CSMD1: variants seen among roughly 807,000 people sequenced by gnomAD.
CSMD1 encodes CUB and sushi domain-containing protein 1.
CSMD1 carries 213 observed loss-of-function variants against 417.5 expected under a neutral mutation model. The ratio of observed to expected loss-of-function variants is 0.51; its 90% CI spans 0.46 to 0.57. The LOEUF (loss-of-function observed/expected upper bound fraction) is 0.57, where lower values mean the gene tolerates loss of function less well. Ranked by LOEUF, CSMD1 falls within the 20% of genes least tolerant of loss-of-function variation. The pLI is 0.00. For synonymous variants in CSMD1, 2,862 were observed against 1,736.8 expected, an observed-to-expected ratio of 1.65 and a Z score of -16.11; for missense variants, 6,923 against 4,529.7, an observed-to-expected ratio of 1.53 and a Z score of -15.17.
At chr8:3,815,944 G>C (rs756205798) in intron 5 of CSMD1, among the ~76,000 whole-genome samples, 4 of 152,166 alleles carry the variant, frequency 2.6e-5, no homozygotes, top group Non-Finnish European at 4.4e-5. Flanking sequence ...CACTGGACTA[G>C]AAATCTCATT....
chr8:4,463,236 G>C (rs912793480), intron 2 of CSMD1, among the ~76,000 whole-genome samples: 2 of 152,124 alleles, frequency 1.3e-5, no homozygotes, highest in African/African-American at 2.4e-5. Context: ...GACGTACTGA[G>C]ATACCAGTTC....
chr8:4,249,669 C>T (rs187160860), intron 3 of CSMD1, among the ~76,000 whole-genome samples: 190 of 152,280 alleles, frequency 1.2e-3, no homozygotes, highest in African/African-American at 4.3e-3. Flanking sequence ...GCTGCCAGCT[C>T]TCTTCTCCTA....
chr8:4,435,769 C>G (rs950150048), intron 2 of CSMD1, among the ~76,000 whole-genome samples: 2 of 152,132 alleles, frequency 1.3e-5, no homozygotes, highest in Non-Finnish European at 2.9e-5. Flanking sequence ...AGTACCATAC[C>G]TTTGACAGCT....
At chr8:3,978,126 C>A (rs570593184) in intron 5 of CSMD1, among the ~76,000 whole-genome samples, 1 of 152,140 alleles carries the variant, frequency 6.6e-6, no homozygotes, top group African/African-American at 2.4e-5. Flanking sequence ...AAACGAAAAG[C>A]AAGCCCTGCC....
At chr8:4,246,317 T>G (rs1563330552) in intron 3 of CSMD1, among the ~76,000 whole-genome samples, 1 of 152,154 alleles carries the variant, frequency 6.6e-6, no homozygotes, top group Non-Finnish European at 1.5e-5. Context: ...CATATTGGCC[T>G]CCACCTCCAT....
intron 7 of CSMD1, among the ~76,000 whole-genome samples, chr8:3,631,018 T>G (rs1796757508): frequency 1.3e-5 from 2 of 152,284 alleles, no homozygotes; most frequent in Middle Eastern, 3.4e-3. Flanking sequence ...TGTTGAACCC[T>G]TGAAAACGCA....
chr8:4,176,440 C>T (rs1300899573), intron 3 of CSMD1, among the ~76,000 whole-genome samples: 2 of 152,024 alleles, frequency 1.3e-5, no homozygotes, highest in African/African-American at 4.8e-5. Context: ...TGGAAGCTTT[C>T]CTTTCCTTTT....
chr8:4,054,887 C>T (rs1325011397), intron 3 of CSMD1, among the ~76,000 whole-genome samples: 1 of 152,116 alleles, frequency 6.6e-6, no homozygotes, highest in Admixed American at 6.6e-5. Context: ...CATACAAAGG[C>T]TACGTCTGCC....
intron 18 of CSMD1, among the ~76,000 whole-genome samples, chr8:3,384,734 TTA>T (rs1250179440): frequency 1.1e-4 from 13 of 123,594 alleles, no homozygotes; most frequent in South Asian, 2.2e-4. Context: ...TTTATATATA[TTA>T]TATAAATATA....
At chr8:3,219,897 A>G (rs1798101975) in intron 28 of CSMD1, among the ~76,000 whole-genome samples, 1 of 152,168 alleles carries the variant, frequency 6.6e-6, no homozygotes, top group Non-Finnish European at 1.5e-5. Flanking sequence ...AATAGTCAGT[A>G]GAATTACTGA....
At chr8:3,187,784 G>A (rs1290917569) in intron 36 of CSMD1, 85 bp downstream of exon 36, 21 of 957,026 alleles carry the variant, frequency 2.2e-5, no homozygotes, top group Non-Finnish European at 3.3e-5. Context: ...AAATTTCTAT[G>A]TGGAGTGTTT....
At chr8:3,078,908 G>A (rs1813886935) in intron 49 of CSMD1, among the ~76,000 whole-genome samples, 1 of 152,130 alleles carries the variant, frequency 6.6e-6, no homozygotes, top group African/African-American at 2.4e-5. Context: ...TTGGGCTCCT[G>A]TTCTTAGCTG....
At chr8:3,233,965 G>A (rs542986073) in intron 26 of CSMD1, among the ~76,000 whole-genome samples, 1 of 152,174 alleles carries the variant, frequency 6.6e-6, no homozygotes, top group African/African-American at 2.4e-5. Context: ...TGAGTTGCAT[G>A]CATCTATGTC....
chr8:4,352,321 AT>A, intron 3 of CSMD1, among the ~76,000 whole-genome samples: 1 of 152,364 alleles, frequency 6.6e-6, no homozygotes, highest in East Asian at 1.9e-4. Context: ...CTATGCCATC[AT>A]AAAAATTAAA....
intron 10 of CSMD1, among the ~76,000 whole-genome samples, chr8:3,503,829 C>G (rs1382260850): frequency 6.7e-6 from 1 of 149,412 alleles, no homozygotes; most frequent in Non-Finnish European, 1.5e-5. Flanking sequence ...CCCCATCCCC[C>G]CTTGCCCCCC....
intron 3 of CSMD1, among the ~76,000 whole-genome samples, chr8:4,347,518 T>A (rs73175707): frequency 0.051 from 7,714 of 152,254 alleles, 305 homozygotes; most frequent in Non-Finnish European, 0.07. Flanking sequence ...AATTTACCAA[T>A]GACATTACAG....
intron 25 of CSMD1, among the ~76,000 whole-genome samples, chr8:3,303,448 A>G (rs1433938138): frequency 1.3e-5 from 2 of 152,216 alleles, no homozygotes; most frequent in Non-Finnish European, 1.5e-5. Context: ...AAAAGTCTGC[A>G]TAGGAATGCT....
At chr8:3,915,088 A>G (rs1198261556) in intron 5 of CSMD1, among the ~76,000 whole-genome samples, 1 of 152,122 alleles carries the variant, frequency 6.6e-6, no homozygotes, top group Non-Finnish European at 1.5e-5. Flanking sequence ...GGATCGGAAA[A>G]GCCCTAATAA....
At chr8:4,642,893 T>G (rs1040637635) in intron 1 of CSMD1, among the ~76,000 whole-genome samples, 9 of 152,208 alleles carry the variant, frequency 5.9e-5, no homozygotes, top group African/African-American at 2.2e-4. Flanking sequence ...TATACTGTTC[T>G]GTATGTGGAG....
Sources: gnomAD v4.1 joint callset for allele counts (sites outside exome capture counted in the v4.1 genomes callset) on GRCh38, gnomAD v4.1.1 for gene constraint, MANE v1.5 for transcripts, NCBI Gene and HGNC (gene_info 2026-07-23, HGNC 2026-07-21) for gene names.